Variants in TEP1 observed in about 807,000 individuals in gnomAD.
TEP1 encodes the protein telomerase protein component 1.
A neutral mutation model predicts 306.3 loss-of-function variants in TEP1; 241 were observed. The ratio of observed to expected loss-of-function variants is 0.79; its 90% CI spans 0.71 to 0.88. TEP1 has a LOEUF of 0.88. TEP1 is among the 40% of genes least tolerant of loss of function. TEP1 has a pLI of 0.00. For synonymous variants in TEP1, 1,289 were observed against 1,305.5 expected (o/e 0.99, Z 0.27); for missense variants, 3,051 against 3,276.1 (o/e 0.93, Z 1.68).
chr14:20,406,546 A>G (rs974907089), intron 2 of TEP1, 146 bp from the exon 3 acceptor site: 2 of 817,232 alleles, frequency 2.4e-6, no homozygotes, highest in Non-Finnish European at 2.0e-6. Flanking sequence ...ACACACCAGC[A>G]CTGATGTGTC....
intron 1 of TEP1, among the ~76,000 whole-genome samples, chr14:20,412,977 T>C (rs915322253): frequency 6.7e-6 from 1 of 149,122 alleles, no homozygotes; most frequent in Non-Finnish European, 1.5e-5. Context: ...ACTCTTCAAG[T>C]GGCTGTATGG....
rs1876890403 is a variant in TEP1, at chr14:20,384,155, C to T, written c.3417G>A (p.Lys1139=). 6.2e-7 allele frequency: 1 copy of T among 1,614,194 alleles called. No individual in the cohort carries two copies. Among genetic ancestry groups the T allele is most frequent in the Admixed American group, 1.7e-5 (1 of 60,022 alleles). The change falls in exon 24 of 55, where the codon AAG becomes AAA. Residue 1139 remains lysine (K), a synonymous_variant. Coordinates refer to ENST00000262715, the MANE Select transcript of TEP1 (RefSeq NM_007110.5). ...LVQATFQQLQ[K]PPSPARPRLL... is the part of the protein sequence containing the mutation. ...GGCGTGGCCGGGCAGGACTCGGTGG[C>T]TTCTGCAGCTGCTGGAAGGTGGCCT...
intron 15 of TEP1, among the ~76,000 whole-genome samples, 178 bp downstream of exon 15, chr14:20,390,503 G>T (rs1877603437): frequency 6.6e-6 from 1 of 152,186 alleles, no homozygotes; most frequent in Admixed American, 6.5e-5. Flanking sequence ...ATTTTTCTAG[G>T]CAGCTGGTTG....
intron 49 of TEP1, 31 bp from the exon 50 acceptor site, chr14:20,371,663 G>T: frequency 6.5e-7 from 1 of 1,535,612 alleles, no homozygotes. Context: ...GACAGAGAAA[G>T]ATCCTATTTT....
At position 20,403,877 on chromosome 14, in the gene TEP1, G is replaced by T. The variant is rs1431570727; in HGVS notation, c.1040C>A (p.Ala347Asp). The T allele has an allele frequency of 1.2e-6, 2 of 1,614,100 alleles. No individual in the cohort carries two copies. The highest frequency in any genetic ancestry group is 1.7e-6 in the Non-Finnish European group (2 of 1,180,028). Residue 347 changes from alanine (A) to aspartate (D), a missense_variant, in exon 6 of 55, where the codon GCT becomes GAT. By Grantham distance (126) the Ala-to-Asp change is moderately radical. Around this residue, in one of 3 missense-constraint regions of TEP1, gnomAD observed 1,507 missense variants for 1,550.5 expected, o/e 0.97. Coordinates refer to ENST00000262715, the MANE Select transcript of TEP1 (RefSeq NM_007110.5). Reference sequence around the variant, plus strand: ...CACCAGCTTATTCTTATCTCCCTCAGCCAGGCTCTGTCAAAGAGAGAGGAG... The same window carrying T: ...CACCAGCTTATTCTTATCTCCCTCATCCAGGCTCTGTCAAAGAGAGAGGAG... The part of the protein sequence containing the change: ...IQVAELYQSL[A>D]EGDKNKLVPL...
chr14:20,384,664 C>G lies in TEP1; in HGVS notation c.3157G>C (p.Ala1053Pro). 2.5e-6 allele frequency: 4 copies of G among 1,613,530 alleles called. No individual in the cohort carries two copies. Among genetic ancestry groups the G allele is most frequent in the Non-Finnish European group, 3.4e-6 (4 of 1,180,034 alleles). ...TTCAGTTCTGAGATCCGACGTGCGG[C>G]CTCTTCAGACTCAGAAACAAAGTCA... is the stretch of plus-strand genomic sequence containing the variant. ...KSDFVSESEE[A>P]ARRISELKSY... Residue 1053 changes from alanine to proline, a missense_variant, in exon 22 of 55, where the codon GCC becomes CCC. Physicochemically the swap from Ala to Pro is conservative, Grantham distance 27. Coordinates refer to ENST00000262715, the MANE Select transcript of TEP1 (RefSeq NM_007110.5).
chr14:20,398,315 T>C (rs1172667935), intron 9 of TEP1, among the ~76,000 whole-genome samples: 2 of 149,796 alleles, frequency 1.3e-5, no homozygotes, highest in Admixed American at 6.7e-5. Context: ...GAGGCGGAGG[T>C]TGAAGTGAGC....
At chr14:20,394,870 A>G (rs1201130727) in intron 12 of TEP1, among the ~76,000 whole-genome samples, 1 of 152,190 alleles carries the variant, frequency 6.6e-6, no homozygotes, top group Non-Finnish European at 1.5e-5. Flanking sequence ...CTAGAAAGTT[A>G]AGTGAGTCCT....
In TEP1 at chr14:20,376,169, C is replaced by T; in HGVS notation, c.6184G>A (p.Gly2062Ser). 1 of 1,614,208 alleles carries T rather than the reference C, an allele frequency of 6.2e-7. No homozygotes were observed. Among genetic ancestry groups the T allele is most frequent in the Non-Finnish European group, 8.5e-7 (1 of 1,180,030 alleles). ...CTGAAACTACAGCAGCTCACAGGGC[C>T]CTCATGTCCCCGCAGCTCAGTGCCA... is the stretch of plus-strand genomic sequence containing the variant. Reference protein sequence around the residue: ...PCGTELRGHEGPVSCCSFSTD... With the variant: ...PCGTELRGHESPVSCCSFSTD... Residue 2062 changes from glycine (G) to serine (S), a missense_variant, in exon 42 of 55, where the codon GGC (glycine) becomes AGC (serine). Coordinates refer to ENST00000262715, the MANE Select transcript of TEP1 (RefSeq NM_007110.5).
rs560845586 is a variant in TEP1, at chr14:20,386,388, G to A, written c.2861+59C>T. The A allele has an allele frequency of 3.8e-6, 6 of 1,574,820 alleles. No homozygotes were observed. The South Asian group carries it at 7.0e-5, about 18-fold the overall frequency. ...TGCAGCCCCAACCATGCCCACCTCA[G>A]GTCCACCACTCAAGCCCCTCATCCC... On this transcript the variant is annotated intron_variant, in intron 19 of 54. Transcript: ENST00000262715.
At chr14:20,369,100 C>T (rs1434047478) in intron 53 of TEP1, among the ~76,000 whole-genome samples, 198 bp from the exon 54 acceptor site, 1 of 152,022 alleles carries the variant, frequency 6.6e-6, no homozygotes, top group Non-Finnish European at 1.5e-5. Flanking sequence ...CTCTGCCTCC[C>T]GGGTTCACAC....
chr14:20,382,026 C>T lies in TEP1; in HGVS notation c.4311G>A (p.Val1437=), dbSNP rs1184790231. The change falls in exon 30 of 55, where the codon GTG becomes GTA. Residue 1437 remains valine (V), a synonymous_variant. Transcript: ENST00000262715. Reference sequence around the variant, plus strand: ...TAGTCCCCTTCGGTAGTGTCCGCCACACACTCAGCACTCCGTGCAGCTGGT... The same window carrying T: ...TAGTCCCCTTCGGTAGTGTCCGCCATACACTCAGCACTCCGTGCAGCTGGT... ...TVDQLHGVLS[V]WRTLPKGTKS... The T allele has an allele frequency of 1.2e-6, 2 of 1,614,194 alleles. No individual in the cohort carries two copies. Among genetic ancestry groups the T allele is most frequent in the South Asian group, 2.2e-5 (2 of 91,082 alleles).
At chr14:20,375,522 ATT>A (rs1191696082) in intron 43 of TEP1, among the ~76,000 whole-genome samples, 3 of 152,154 alleles carry the variant, frequency 2.0e-5, no homozygotes, top group African/African-American at 4.8e-5. Context: ...TCTGAGTTCA[ATT>A]TCCTTGTCTG....
intron 2 of TEP1, among the ~76,000 whole-genome samples, chr14:20,406,810 C>T (rs1411997840): frequency 6.6e-6 from 1 of 152,254 alleles, no homozygotes; most frequent in African/African-American, 2.4e-5. Flanking sequence ...TTCTCTCATT[C>T]ACTACCACCT....
rs555096132 is a variant in TEP1, at chr14:20,369,960, C to T, written c.7318-181G>A. On this transcript the variant is annotated intron_variant, in intron 51 of 54. Transcript: ENST00000262715. ...ACGGAGTCTCACTCTGTCGCCCAGG[C>T]TGGAGTGCAGTGGCGTGATCTCGGT... Among the ~76,000 whole-genome samples, 17 of 150,974 alleles carry T rather than the reference C, an allele frequency of 1.1e-4. No homozygotes were observed. The South Asian group carries it at 3.3e-3, about 30-fold the overall frequency.
Position 20,396,621 on chromosome 14 carries a change from C to A in TEP1, c.1659G>T (p.Ala553=), listed in dbSNP as rs751304753. 1 of 1,605,378 alleles carries A rather than the reference C, an allele frequency of 6.2e-7. No individual in the cohort carries two copies. The highest frequency in any genetic ancestry group is 1.7e-4 in the Middle Eastern group (1 of 6,038). ...ATGGCTACCAGCCCCTCACACATAC[C>A]GCATGCTGGAGTCTCTGGAGAATGA... ...HELILQRLQH[A]KSVIHSRQFP... is the part of the protein sequence containing the mutation. Residue 553 remains alanine (A), a splice_region_variant and synonymous_variant, in exon 10 of 55, where the codon GCG becomes GCT. Coordinates refer to ENST00000262715, the MANE Select transcript of TEP1 (RefSeq NM_007110.5).
intron 2 of TEP1, 29 bp downstream of exon 2, chr14:20,407,844 G>C: frequency 6.5e-7 from 1 of 1,527,338 alleles, no homozygotes; most frequent in African/African-American, 1.4e-5. Flanking sequence ...GACATGGCTG[G>C]AGTCAAGATG....
At chr14:20,410,730 G>A (rs1365452179) in intron 1 of TEP1, among the ~76,000 whole-genome samples, 1 of 148,904 alleles carries the variant, frequency 6.7e-6, no homozygotes, top group African/African-American at 2.5e-5. Context: ...GTGAGCCACT[G>A]TGCCTGGCGG....
At chr14:20,387,878 C>A in intron 18 of TEP1, 27 bp downstream of exon 18, 1 of 1,560,260 alleles carries the variant, frequency 6.4e-7, no homozygotes, top group Non-Finnish European at 8.6e-7. Flanking sequence ...CCTCCCAATT[C>A]ACAAAGGCAT....
Sources: allele counts gnomAD v4.1 joint callset (sites outside exome capture counted in the v4.1 genomes callset), GRCh38; gene constraint gnomAD v4.1.1; regional missense constraint gnomAD v4.1.1; transcripts MANE v1.5; gene names NCBI Gene and HGNC (gene_info 2026-07-23, HGNC 2026-07-21).